Variants in ROBO2 observed in about 807,000 individuals in gnomAD.
ROBO2 encodes the protein roundabout homolog 2.
In ROBO2, 53 loss-of-function variants were observed where a neutral mutation model predicts 160.8. The observed-to-expected ratio is 0.33, with a 90% CI of 0.26 to 0.41. The LOEUF (loss-of-function observed/expected upper bound fraction) is 0.41. Ranked by LOEUF, ROBO2 falls within the 10% of genes least tolerant of loss-of-function variation. ROBO2 has a pLI of 1.00. For synonymous variants in ROBO2, 664 were observed against 611.7 expected, an observed-to-expected ratio of 1.09 and a Z score of -1.26; for missense variants, 1,577 against 1,722.4, an observed-to-expected ratio of 0.92 and a Z score of 1.49.
At chr3:76,689,822 T>C (rs1248120802) in intron 2 of ROBO2, among the ~76,000 whole-genome samples, 1 of 152,092 alleles carries the variant, frequency 6.6e-6, no homozygotes, top group East Asian at 1.9e-4. Flanking sequence ...CCCCGTTCTC[T>C]CTGTGTGTAG....
At chr3:76,990,249 T>C (rs2060593927) in intron 2 of ROBO2, among the ~76,000 whole-genome samples, 1 of 152,224 alleles carries the variant, frequency 6.6e-6, no homozygotes, top group Non-Finnish European at 1.5e-5. Flanking sequence ...TAGCTGGTCT[T>C]TCTTCAACTT....
chr3:76,886,002 C>T (rs2073844523), intron 2 of ROBO2, among the ~76,000 whole-genome samples: 1 of 152,058 alleles, frequency 6.6e-6, no homozygotes, highest in African/African-American at 2.4e-5. Flanking sequence ...CTGGAAAAGA[C>T]TGATTAATTA....
intron 24 of ROBO2, 36 bp downstream of exon 25, chr3:77,635,079 A>T (rs770878638): frequency 1.2e-6 from 2 of 1,604,392 alleles, no homozygotes; most frequent in East Asian, 4.5e-5. Context: ...TTCCTCGCTG[A>T]AGAGACGTGC....
intron 2 of ROBO2, among the ~76,000 whole-genome samples, chr3:76,707,541 A>G (rs7627246): frequency 0.062 from 9,355 of 151,872 alleles, 854 homozygotes; most frequent in African/African-American, 0.2. Flanking sequence ...GCATGCCACA[A>G]GTTCCCAAGG....
intron 2 of ROBO2, among the ~76,000 whole-genome samples, chr3:77,151,840 T>C (rs2077570571): frequency 6.6e-6 from 1 of 152,214 alleles, no homozygotes; most frequent in Non-Finnish European, 1.5e-5. Context: ...TACCTTTTCA[T>C]AGTGTAAACA....
Position 77,602,266 on chromosome 3 carries a change from G to A in ROBO2, c.2911G>A (p.Gly971Arg), listed in dbSNP as rs201894179. The change falls in exon 20 of 26, where the codon GGA becomes AGA. Residue 971 changes from glycine to arginine, a missense_variant. Physicochemically the swap from Gly to Arg is moderately radical, Grantham distance 125. Around this residue, in one of 2 missense-constraint regions of ROBO2, gnomAD observed 637 missense variants for 586.9 expected, o/e 1.09. Coordinates refer to ENST00000461745, the Ensembl canonical transcript of ROBO2. Reference sequence around the variant, plus strand: ...TAAAACAGCAACGATGCTCTCAGATGGAGCCATTTATAGTAGCATTGACTT... The same window carrying A: ...TAAAACAGCAACGATGCTCTCAGATAGAGCCATTTATAGTAGCATTGACTT... 1 of 1,614,146 alleles carries A rather than the reference G, an allele frequency of 6.2e-7. No homozygotes were observed. Among genetic ancestry groups the A allele is most frequent in the African/African-American group, 1.3e-5 (1 of 75,052 alleles).
chr3:76,020,273 A>T (rs1456921170), intron 2 of ROBO2, among the ~76,000 whole-genome samples: 1 of 151,602 alleles, frequency 6.6e-6, no homozygotes, highest in African/African-American at 2.4e-5. Context: ...TTTTATTTTC[A>T]TGTGTGATTC....
intron 21 of ROBO2, among the ~76,000 whole-genome samples, chr3:77,610,081 G>T (rs969173065): frequency 6.6e-6 from 1 of 151,404 alleles, no homozygotes; most frequent in Non-Finnish European, 1.5e-5. Flanking sequence ...GATTGGGCAT[G>T]ATTTTGTCCA....
intron 2 of ROBO2, among the ~76,000 whole-genome samples, chr3:76,307,955 A>C (rs929411153): frequency 1.3e-5 from 2 of 152,176 alleles, no homozygotes; most frequent in Admixed American, 6.5e-5. Context: ...AGTTTCATGG[A>C]GGGCCTAGCA....
At chr3:77,303,408 G>A (rs2062820380) in intron 2 of ROBO2, among the ~76,000 whole-genome samples, 1 of 152,082 alleles carries the variant, frequency 6.6e-6, no homozygotes, top group South Asian at 2.1e-4. Flanking sequence ...GGCTAAGGTA[G>A]GTTTCTTTTG....
chr3:77,066,686 G>C (rs2066882449), intron 1 of ROBO2, among the ~76,000 whole-genome samples: 1 of 151,984 alleles, frequency 6.6e-6, no homozygotes, highest in Non-Finnish European at 1.5e-5. Context: ...ATTTCTTAGG[G>C]GGAGTGATTG....
At chr3:77,585,610 C>A (rs2153681334) in intron 16 of ROBO2, among the ~76,000 whole-genome samples, 1 of 152,084 alleles carries the variant, frequency 6.6e-6, no homozygotes, top group Middle Eastern at 3.4e-3. Context: ...TACAGAAATT[C>A]TATTTTTTGT....
chr3:77,201,508 C>T (rs954722500), intron 2 of ROBO2, among the ~76,000 whole-genome samples: 2 of 151,934 alleles, frequency 1.3e-5, no homozygotes, highest in Admixed American at 6.6e-5. Flanking sequence ...ATAACAAGGC[C>T]GCTGAACCTT....
chr3:76,092,891 T>C (rs929165112), intron 2 of ROBO2, among the ~76,000 whole-genome samples: 4 of 152,186 alleles, frequency 2.6e-5, no homozygotes, highest in Admixed American at 1.3e-4. Flanking sequence ...ATTTTCCTGA[T>C]AGAAATCACG....
intron 2 of ROBO2, among the ~76,000 whole-genome samples, chr3:76,751,235 C>G (rs986600373): frequency 6.6e-6 from 1 of 152,126 alleles, no homozygotes; most frequent in African/African-American, 2.4e-5. Flanking sequence ...GGAAAACTGG[C>G]TAGCCATATG....
chr3:76,529,814 G>C (rs572888128), intron 2 of ROBO2, among the ~76,000 whole-genome samples: 1 of 152,190 alleles, frequency 6.6e-6, no homozygotes, highest in South Asian at 2.1e-4. Context: ...CTCCCTTGCA[G>C]CATTTTAACA....
chr3:77,233,170 A>G (rs2087452827), intron 2 of ROBO2, among the ~76,000 whole-genome samples: 1 of 152,320 alleles, frequency 6.6e-6, no homozygotes, highest in Non-Finnish European at 1.5e-5. Flanking sequence ...AGCTACTCTG[A>G]TTGATTGTTG....
At chr3:75,948,854 T>C (rs1948427975) in intron 2 of ROBO2, among the ~76,000 whole-genome samples, 1 of 152,202 alleles carries the variant, frequency 6.6e-6, no homozygotes, top group Non-Finnish European at 1.5e-5. Flanking sequence ...GTTTTAATTA[T>C]CTGCAAACAC....
At chr3:76,676,816 A>T (rs768060808) in intron 2 of ROBO2, among the ~76,000 whole-genome samples, 1 of 152,006 alleles carries the variant, frequency 6.6e-6, no homozygotes. Context: ...CTCAGGTAAC[A>T]TCTGTTCCCA....
Sources: gnomAD v4.1 joint callset for allele counts (sites outside exome capture counted in the v4.1 genomes callset) on GRCh38, gnomAD v4.1.1 for gene constraint, gnomAD v4.1.1 regional missense constraint, MANE v1.5 for transcripts, NCBI Gene and HGNC (gene_info 2026-07-23, HGNC 2026-07-21) for gene names.